ABCC8: variants seen among roughly 807,000 people sequenced by gnomAD.
ABCC8 encodes ATP binding cassette subfamily C member 8.
ABCC8 carries 137 observed loss-of-function variants against 188.0 expected under a neutral mutation model. That is an observed-to-expected ratio of 0.73 (90% CI 0.63 to 0.84). The LOEUF is 0.84. Among genes scored for constraint, ABCC8 ranks in the 40% least tolerant of loss-of-function variants. The pLI, the probability that ABCC8 is intolerant of heterozygous loss-of-function variation, is 0.00. For missense variants in ABCC8, 1,750 were observed against 2,072.7 expected, an observed-to-expected ratio of 0.84 and a Z score of 3.02; for synonymous variants, 797 against 846.5, an observed-to-expected ratio of 0.94 and a Z score of 1.01.
intron 2 of ABCC8, among the ~76,000 whole-genome samples, chr11:17,474,097 C>T (rs757883283): frequency 1.1e-4 from 17 of 152,174 alleles, no homozygotes; most frequent in African/African-American, 1.7e-4. Context: ...TTCCAGACTC[C>T]GCTCCAAAGC....
chr11:17,463,651 G>A (rs1407380022), intron 3 of ABCC8, 47 bp from the exon 4 acceptor site: 1 of 1,553,166 alleles, frequency 6.4e-7, no homozygotes, highest in Non-Finnish European at 8.7e-7. Flanking sequence ...TGCATCATGT[G>A]TGTACACTCA....
intron 6 of ABCC8, among the ~76,000 whole-genome samples, chr11:17,458,190 G>A (rs77871336): frequency 0.018 from 2,750 of 152,282 alleles, 97 homozygotes; most frequent in African/African-American, 0.064. Context: ...TTTTCTGATT[G>A]TGTTTGGGCT....
chr11:17,446,789 C>T (rs1956547073), intron 8 of ABCC8, among the ~76,000 whole-genome samples: 1 of 152,134 alleles, frequency 6.6e-6, no homozygotes, highest in Admixed American at 6.5e-5. Context: ...CTAGCTGTGT[C>T]CCTGTGGGAG....
At chr11:17,419,630 A>G (rs752265212) in intron 16 of ABCC8, among the ~76,000 whole-genome samples, 14 of 152,238 alleles carry the variant, frequency 9.2e-5, no homozygotes, top group Non-Finnish European at 1.6e-4. Flanking sequence ...GAGAAAAAAC[A>G]TAATTTTTAC....
chr11:17,434,953 G>A (rs1441007972), intron 10 of ABCC8, among the ~76,000 whole-genome samples: 4 of 151,146 alleles, frequency 2.6e-5, no homozygotes, highest in Non-Finnish European at 5.9e-5. Context: ...GCTGGGGCTG[G>A]GAGAGTAGAA....
At chr11:17,417,900 C>G (rs531091101) in intron 16 of ABCC8, among the ~76,000 whole-genome samples, 1 of 151,484 alleles carries the variant, frequency 6.6e-6, no homozygotes, top group African/African-American at 2.4e-5. Flanking sequence ...CAGGCACGTA[C>G]CACCATGCCT....
At chr11:17,395,394 C>A in intron 35 of ABCC8, 119 bp from the exon 36 acceptor site, 4 of 1,531,630 alleles carry the variant, frequency 2.6e-6, no homozygotes, top group South Asian at 2.4e-5. Context: ...GGGAGAAGCA[C>A]CGAGGTGGTG....
At chr11:17,429,106 A>G (rs1955730646) in intron 12 of ABCC8, 1 of 186,338 alleles carries the variant, frequency 5.4e-6, no homozygotes, top group African/African-American at 2.4e-5. Flanking sequence ...TCCCCATAAC[A>G]GCCTGCTGGA....
intron 16 of ABCC8, among the ~76,000 whole-genome samples, chr11:17,418,580 T>A (rs772790870): frequency 6.6e-6 from 1 of 152,168 alleles, no homozygotes; most frequent in Non-Finnish European, 1.5e-5. Context: ...CAGATAAGCT[T>A]ATCTCTGGAG....
At chr11:17,407,332 C>T (rs933825580) in intron 24 of ABCC8, 22 bp downstream of exon 24, 1 of 1,614,200 alleles carries the variant, frequency 6.2e-7, no homozygotes, top group Non-Finnish European at 8.5e-7. Flanking sequence ...CATAATTTCA[C>T]TCCCAGTCCC....
At chr11:17,454,369 T>C (rs1233594767) in intron 6 of ABCC8, among the ~76,000 whole-genome samples, 1 of 152,152 alleles carries the variant, frequency 6.6e-6, no homozygotes, top group Non-Finnish European at 1.5e-5. Context: ...CTCACCACTG[T>C]CTCTACCATG....
In ABCC8 at chr11:17,439,782, C is replaced by A. The variant is rs2237980; in HGVS notation, c.1630+2938G>T. ...TTTCTCTCCCTAGGTGACTTGGACA[C>A]GTGAGGAGTCCTGGGCGGGCTCCTG... On this transcript the variant is annotated intron_variant, in intron 10 of 38. Transcript: ENST00000389817. Among the ~76,000 whole-genome samples, 938 of 152,056 alleles carry A rather than the reference C, an allele frequency of 6.2e-3. 7 individuals carry two copies. The highest frequency in any genetic ancestry group is 0.021 in the African/African-American group (890 of 41,490).
chr11:17,430,924 G>A lies in ABCC8; in HGVS notation c.1707C>T (p.Ala569=), dbSNP rs147623093. 7.7e-4 allele frequency: 1,236 copies of A among 1,614,228 alleles called. 7 individuals carry two copies. Among genetic ancestry groups the A allele is most frequent in the Middle Eastern group, 5.9e-3 (36 of 6,060 alleles). ...CAAAGGCCACGGAGGGCGAGAAGTC[G>A]GCCTCTTTGAAGAAGCTGACGTGGC... is the stretch of plus-strand genomic sequence containing the variant. ...FVGHVSFFKE[A]DFSPSVAFAS... is the part of the protein sequence containing the mutation. Residue 569 remains alanine (A), a synonymous_variant, in exon 12 of 39, where the codon GCC becomes GCT. Transcript: ENST00000389817.
intron 7 of ABCC8, among the ~76,000 whole-genome samples, chr11:17,449,522 G>C (rs1411737242): frequency 6.6e-6 from 1 of 152,140 alleles, no homozygotes. Flanking sequence ...ACCCTCACAG[G>C]GCAGACAGAG....
At position 17,427,767 on chromosome 11, in the gene ABCC8, A is replaced by G; in HGVS notation, c.2116+100T>C. 6.8e-7 allele frequency: 1 copy of G among 1,461,188 alleles called. No homozygotes were observed. Among genetic ancestry groups the G allele is most frequent in the South Asian group, 1.3e-5 (1 of 78,842 alleles). The allele number at this position is 1,461,188 out of a possible 1,614,324, so 90.5% of individuals were successfully genotyped here. On this transcript the variant is annotated intron_variant, in intron 15 of 38. Coordinates refer to ENST00000389817, the MANE Select transcript of ABCC8 (RefSeq NM_000352.6). This position sits in a 1 kb window ranked among gnomAD's most constrained non-coding sequence, Gnocchi z 5.0. ...CCCAGGGCATACACCAAGAATGAGCAGAGAGTAGGTGCTCAATAAATGCAG... is the reference window on the plus strand; with the variant it reads ...CCCAGGGCATACACCAAGAATGAGCGGAGAGTAGGTGCTCAATAAATGCAG...
chr11:17,435,826 G>T, intron 10 of ABCC8: 2 of 1,251,616 alleles, frequency 1.6e-6, no homozygotes, highest in Non-Finnish European at 2.4e-6. Flanking sequence ...GAAGATGAGT[G>T]CAAACTTAGC....
At chr11:17,396,015 G>T in intron 33 of ABCC8, 85 bp from the exon 34 acceptor site, 2 of 1,542,996 alleles carry the variant, frequency 1.3e-6, no homozygotes, top group Admixed American at 2.0e-5. Context: ...GTGTGTGCAG[G>T]TGTGGGAGGT....
intron 3 of ABCC8, among the ~76,000 whole-genome samples, chr11:17,464,753 G>A (rs1848042866): frequency 6.6e-6 from 1 of 152,156 alleles, no homozygotes; most frequent in African/African-American, 2.4e-5. Context: ...ACCAAAACCA[G>A]CAATAACCTG....
chr11:17,467,145 G>T (rs1360207783), intron 3 of ABCC8, among the ~76,000 whole-genome samples: 4 of 151,756 alleles, frequency 2.6e-5, no homozygotes, highest in Admixed American at 2.6e-4. Context: ...CCAGGTGGGT[G>T]CGGTGGCTCA....
Sources: gnomAD v4.1 joint callset for allele counts (sites outside exome capture counted in the v4.1 genomes callset) on GRCh38, gnomAD v4.1.1 for gene constraint, Gnocchi (gnomAD v3.1) non-coding constraint, MANE v1.5 for transcripts, NCBI Gene and HGNC (gene_info 2026-07-23, HGNC 2026-07-21) for gene names.